RGS7: variants seen among roughly 807,000 people sequenced by gnomAD.
RGS7 encodes the protein regulator of G protein signaling 7.
Under a neutral mutation model 81.1 loss-of-function variants are expected in RGS7, and 27 were observed. The ratio of observed to expected loss-of-function variants is 0.33; its 90% CI spans 0.25 to 0.46. The LOEUF is 0.46. Ranked by LOEUF, RGS7 falls within the 20% of genes least tolerant of loss-of-function variation. The pLI, the probability that RGS7 is intolerant of heterozygous loss-of-function variation, is 1.00. For missense variants in RGS7, 396 were observed against 607.4 expected (o/e 0.65, Z 3.66); for synonymous variants, 208 against 207.7 (o/e 1.00, Z -0.01).
At chr1:241,004,871 T>G (rs1257822151) in intron 3 of RGS7, among the ~76,000 whole-genome samples, 1 of 152,176 alleles carries the variant, frequency 6.6e-6, no homozygotes, top group African/African-American at 2.4e-5. Context: ...GGTTCTGATT[T>G]CCATGACCCG....
chr1:240,943,391 A>T (rs1398614112), intron 4 of RGS7, among the ~76,000 whole-genome samples: 1 of 152,188 alleles, frequency 6.6e-6, no homozygotes, highest in Admixed American at 6.5e-5. Flanking sequence ...AGCAGTAAGG[A>T]TCCATTGAGA....
intron 2 of RGS7, among the ~76,000 whole-genome samples, chr1:241,220,999 G>GGA (rs1558203363): frequency 6.0e-4 from 39 of 64,766 alleles, no homozygotes; most frequent in African/African-American, 1.5e-3. Context: ...GGAAGGAAGA[G>GGA]AGAGAGAAAG....
intron 3 of RGS7, among the ~76,000 whole-genome samples, chr1:241,083,213 G>A (rs1406963556): frequency 5.3e-5 from 7 of 133,190 alleles, no homozygotes; most frequent in Admixed American, 8.2e-5. Flanking sequence ...GCGACAGAGC[G>A]AGACTCTGTC....
chr1:241,123,497 T>A (rs1178962370), intron 2 of RGS7, among the ~76,000 whole-genome samples: 1 of 152,204 alleles, frequency 6.6e-6, no homozygotes. Flanking sequence ...ACGCCTGTAA[T>A]CCCAGCACTT....
chr1:240,875,886 C>T (rs558600859), intron 6 of RGS7, among the ~76,000 whole-genome samples: 4 of 152,262 alleles, frequency 2.6e-5, no homozygotes, highest in East Asian at 3.9e-4. Context: ...TTGGCTTATT[C>T]GTCTTCCTGC....
At chr1:241,055,140 C>A (rs772377686) in intron 3 of RGS7, among the ~76,000 whole-genome samples, 12 of 152,144 alleles carry the variant, frequency 7.9e-5, no homozygotes, top group African/African-American at 1.4e-4. Flanking sequence ...AAAACCAACA[C>A]CACTCAACAC....
chr1:241,327,649 C>G (rs2081683365), intron 2 of RGS7, among the ~76,000 whole-genome samples: 2 of 152,092 alleles, frequency 1.3e-5, no homozygotes, highest in African/African-American at 4.8e-5. Flanking sequence ...GAATGCTACA[C>G]TGATAATAGT....
At chr1:240,998,785 C>A in intron 3 of RGS7, 2 of 675,900 alleles carry the variant, frequency 3.0e-6, no homozygotes, top group South Asian at 2.7e-5. Flanking sequence ...AGCTGGGAGA[C>A]GAAGGCCATG....
At chr1:241,171,045 T>A (rs181443646) in intron 2 of RGS7, among the ~76,000 whole-genome samples, 1 of 152,108 alleles carries the variant, frequency 6.6e-6, no homozygotes, top group Admixed American at 6.6e-5. Context: ...AGGAAAAAAA[T>A]TATTGCTTTG....
At chr1:241,082,334 C>T (rs61832519) in intron 3 of RGS7, among the ~76,000 whole-genome samples, 24,408 of 152,148 alleles carry the variant, frequency 0.16, 2,036 homozygotes, top group African/African-American at 0.19. Context: ...AGCAGCACCA[C>T]AAGCGACAGC....
chr1:240,788,038 A>G (rs1240321306), intron 18 of RGS7, among the ~76,000 whole-genome samples: 6 of 152,208 alleles, frequency 3.9e-5, no homozygotes, highest in Admixed American at 3.9e-4. Flanking sequence ...GTACAAAGTG[A>G]GCAAACAGCA....
intron 2 of RGS7, among the ~76,000 whole-genome samples, chr1:241,260,348 C>T (rs2077268860): frequency 6.6e-6 from 1 of 152,210 alleles, no homozygotes; most frequent in African/African-American, 2.4e-5. Context: ...TAAATACCTG[C>T]TCAGTGGCTG....
chr1:241,154,114 G>A (rs1437938267), intron 2 of RGS7, among the ~76,000 whole-genome samples: 4 of 152,186 alleles, frequency 2.6e-5, no homozygotes, highest in Admixed American at 1.3e-4. Context: ...TTCTAGTGGT[G>A]AAGTTAGACA....
chr1:240,901,225 C>T (rs556446194), intron 6 of RGS7, among the ~76,000 whole-genome samples: 20 of 152,276 alleles, frequency 1.3e-4, no homozygotes, highest in East Asian at 5.8e-4. Flanking sequence ...GGGAATTCCC[C>T]GACCCCTTGT....
chr1:241,231,407 A>G (rs2075655126), intron 2 of RGS7, among the ~76,000 whole-genome samples: 1 of 152,192 alleles, frequency 6.6e-6, no homozygotes, highest in African/African-American at 2.4e-5. Context: ...CTCTAGTGGT[A>G]AGATCACATT....
intron 2 of RGS7, among the ~76,000 whole-genome samples, chr1:241,150,963 A>G (rs564681030): frequency 1.3e-5 from 2 of 152,238 alleles, no homozygotes; most frequent in Admixed American, 1.3e-4. Flanking sequence ...CCGGATGTCC[A>G]AGGCCAGGAG....
intron 2 of RGS7, among the ~76,000 whole-genome samples, chr1:241,284,163 T>G (rs1381541282): frequency 4.6e-5 from 7 of 152,244 alleles, no homozygotes; most frequent in Non-Finnish European, 1.0e-4. Flanking sequence ...TTTCTCATTC[T>G]TTTTGAGATC....
At chr1:241,229,656 A>T (rs1186911265) in intron 2 of RGS7, among the ~76,000 whole-genome samples, 2 of 152,206 alleles carry the variant, frequency 1.3e-5, no homozygotes, top group Admixed American at 1.3e-4. Flanking sequence ...GTAGTAGTCC[A>T]CTTCCTTCTT....
chr1:241,298,967 T>G (rs548494113), intron 2 of RGS7, among the ~76,000 whole-genome samples: 9 of 152,212 alleles, frequency 5.9e-5, no homozygotes, highest in Non-Finnish European at 1.2e-4. Context: ...CTGCGCGTGC[T>G]ATGTCTGGAA....
Sources: gnomAD v4.1 joint callset for allele counts (sites outside exome capture counted in the v4.1 genomes callset) on GRCh38, gnomAD v4.1.1 for gene constraint, MANE v1.5 for transcripts, NCBI Gene and HGNC (gene_info 2026-07-23, HGNC 2026-07-21) for gene names.